Variants in CHIA observed in about 807,000 individuals in gnomAD.
CHIA encodes the protein acidic mammalian chitinase.
In CHIA, 47 loss-of-function variants were observed where a neutral mutation model predicts 53.5. The observed-to-expected ratio is 0.88, with a 90% CI of 0.70 to 1.12. The LOEUF is 1.12. CHIA is among the 50% of genes most tolerant of loss of function. The pLI, the probability that CHIA is intolerant of heterozygous loss-of-function variation, is 0.00. For missense variants in CHIA, 652 were observed against 592.2 expected, an observed-to-expected ratio of 1.10 and a Z score of -1.05; for synonymous variants, 268 against 222.2, an observed-to-expected ratio of 1.21 and a Z score of -1.83.
Position 111,315,378 on chromosome 1 carries a change from C to T in CHIA, c.423C>T (p.Tyr141=), listed in dbSNP as rs1200710619. ...EFDGLDFDWE[Y]PGSRGSPPQD... is the part of the protein sequence containing the mutation. ...ACGGGCTGGACTTTGACTGGGAGTA[C>T]CCTGGCTCTCGTGGGAGCCCTCCTC... Residue 141 remains tyrosine, a synonymous_variant, in exon 6 of 12, where the codon TAC becomes TAT. Coordinates refer to ENST00000369740, the MANE Select transcript of CHIA (RefSeq NM_201653.4). The T allele has an allele frequency of 6.2e-7, 1 of 1,613,962 alleles. No individual in the cohort carries two copies. Among genetic ancestry groups the T allele is most frequent in the African/African-American group, 1.3e-5 (1 of 74,906 alleles).
Position 111,304,924 on chromosome 1 carries a change from C to CT in CHIA, c.-68-5470dup, listed in dbSNP as rs559942201. The stretch of plus-strand genomic sequence containing the variant: ...TTTTGTTACTGTTTTGGTTTCTTGT[C>CT]TTTTTTGTATTTTTTATTTTTTAGA... On this transcript the variant is annotated intron_variant, in intron 1 of 11. Coordinates refer to ENST00000369740, the MANE Select transcript of CHIA (RefSeq NM_201653.4). 4.9e-3 allele frequency among the ~76,000 whole-genome samples: 740 copies of CT among 152,056 alleles called. 13 individuals are homozygous for CT. Among genetic ancestry groups the CT allele is most frequent in the African/African-American group, 0.017 (702 of 41,494 alleles).
chr1:111,312,172 C>T lies in CHIA; in HGVS notation c.56-18C>T. On this transcript the variant is annotated intron_variant, in intron 3 of 11. Transcript: ENST00000369740. Reference sequence around the variant, plus strand: ...GATCCTAAACCAGGCCATTGTCCCTCCTGCTGACTACACACAGGCTCTGCC... The same window carrying T: ...GATCCTAAACCAGGCCATTGTCCCTTCTGCTGACTACACACAGGCTCTGCC... The T allele has an allele frequency of 6.2e-7, 1 of 1,608,214 alleles. No homozygotes were observed. The highest frequency in any genetic ancestry group is 2.2e-5 in the East Asian group (1 of 44,860).
At chr1:111,302,398 G>C (rs1647829556) in intron 1 of CHIA, among the ~76,000 whole-genome samples, 1 of 152,104 alleles carries the variant, frequency 6.6e-6, no homozygotes, top group African/African-American at 2.4e-5. Flanking sequence ...GAGTTATAAA[G>C]TTCTCACTTA....
intron 1 of CHIA, among the ~76,000 whole-genome samples, chr1:111,297,924 A>AAAAAAAAT (rs1227673719): frequency 1.1e-5 from 1 of 87,886 alleles, no homozygotes; most frequent in Non-Finnish European, 2.7e-5. Context: ...AAAAAAAAAA[A>AAAAAAAAT]ACAAGCAGGG....
intron 1 of CHIA, among the ~76,000 whole-genome samples, chr1:111,301,285 G>A (rs180866273): frequency 2.6e-5 from 4 of 152,318 alleles, no homozygotes; most frequent in African/African-American, 9.6e-5. Flanking sequence ...GCACACATAT[G>A]TTTATTGCGG....
intron 1 of CHIA, among the ~76,000 whole-genome samples, chr1:111,299,640 T>G (rs192132949): frequency 6.6e-6 from 1 of 152,288 alleles, no homozygotes; most frequent in Admixed American, 6.5e-5. Flanking sequence ...TCACACTGAA[T>G]GGGCAAAAAC....
At chr1:111,311,280 C>T (rs1463161694) in intron 2 of CHIA, among the ~76,000 whole-genome samples, 1 of 152,158 alleles carries the variant, frequency 6.6e-6, no homozygotes, top group African/African-American at 2.4e-5. Flanking sequence ...CCACTAAAGG[C>T]CAGAAGATAC....
intron 1 of CHIA, among the ~76,000 whole-genome samples, chr1:111,306,500 A>G (rs1648197125): frequency 6.6e-6 from 1 of 152,232 alleles, no homozygotes; most frequent in Non-Finnish European, 1.5e-5. Flanking sequence ...TTAAAATTTT[A>G]GAAGAAAATA....
In CHIA at chr1:111,292,642, A is replaced by G. The variant is rs1453373607; in HGVS notation, c.-69+1692A>G. 3.3e-5 allele frequency among the ~76,000 whole-genome samples: 5 copies of G among 152,148 alleles called. 1 individual carries two copies. In the East Asian group the frequency reaches 9.6e-4, roughly 29 times the overall value. Reference sequence around the variant, plus strand: ...TTAAGTGTACAGTTCGGTGGTACTAAATACATTCATAATGTTCTTGAGCCA... The same window carrying G: ...TTAAGTGTACAGTTCGGTGGTACTAGATACATTCATAATGTTCTTGAGCCA... On this transcript the variant is annotated intron_variant, in intron 1 of 11. Transcript: ENST00000369740.
chr1:111,316,962 C>A (rs139602548), intron 6 of CHIA: 26 of 152,306 alleles, frequency 1.7e-4, no homozygotes, highest in African/African-American at 5.8e-4. Flanking sequence ...CCTGCTGAAG[C>A]AACAGAGAAT....
At chr1:111,293,435 T>TTG (rs139352525) in intron 1 of CHIA, among the ~76,000 whole-genome samples, 30 of 151,538 alleles carry the variant, frequency 2.0e-4, no homozygotes, top group Admixed American at 4.6e-4. Context: ...AGTTGTTTGG[T>TTG]TGTGTGTGTG....
chr1:111,309,238 A>G (rs28531702), intron 1 of CHIA, among the ~76,000 whole-genome samples: 20,094 of 152,254 alleles, frequency 0.13, 1,544 homozygotes, highest in African/African-American at 0.19. Context: ...TTCTGAGAGT[A>G]GAACAAAACA....
Position 111,300,653 on chromosome 1 carries a change from A to G in CHIA, c.-69+9703A>G, listed in dbSNP as rs183953659. On this transcript the variant is annotated intron_variant, in intron 1 of 11. Transcript: ENST00000369740. ...CCTAGAGGAAAACCTAGGCAATACCATTCAGGACATAGGCATGGGCAAGGA... is the reference window on the plus strand; with the variant it reads ...CCTAGAGGAAAACCTAGGCAATACCGTTCAGGACATAGGCATGGGCAAGGA... 3.3e-4 allele frequency among the ~76,000 whole-genome samples: 51 copies of G among 152,358 alleles called. 1 individual carries two copies. Among genetic ancestry groups the G allele is most frequent in the Admixed American group, 1.8e-3 (28 of 15,306 alleles).
At chr1:111,314,081 C>T (rs745434353) in intron 4 of CHIA, among the ~76,000 whole-genome samples, 2 of 152,098 alleles carry the variant, frequency 1.3e-5, no homozygotes, top group African/African-American at 2.4e-5. Context: ...TTCATGTTGT[C>T]CTCCCACAAC....
At chr1:111,309,336 T>A (rs1648478864) in intron 1 of CHIA, among the ~76,000 whole-genome samples, 1 of 152,250 alleles carries the variant, frequency 6.6e-6, no homozygotes, top group African/African-American at 2.4e-5. Context: ...ACAAGAACTC[T>A]GCTAAGGTGC....
At chr1:111,309,290 T>G (rs1400971650) in intron 1 of CHIA, among the ~76,000 whole-genome samples, 1 of 152,222 alleles carries the variant, frequency 6.6e-6, no homozygotes. Flanking sequence ...CAATTTAGTT[T>G]CCAAATGTGA....
chr1:111,297,840 CA>C (rs1647304697), intron 1 of CHIA, among the ~76,000 whole-genome samples: 1 of 112,794 alleles, frequency 8.9e-6, no homozygotes, highest in Non-Finnish European at 1.7e-5. Context: ...ATCTCATGTA[CA>C]AAGACATACA....
rs761167444 is a variant in CHIA at position 111,320,437 on chromosome 1, A to G, written c.1402A>G (p.Thr468Ala). Reference sequence around the variant, plus strand: ...CTGCCAGGCCGGGCTTGTCTTCGACACCAGCTGTGATTGCTGCAACTGGGC... The same window carrying G: ...CTGCCAGGCCGGGCTTGTCTTCGACGCCAGCTGTGATTGCTGCAACTGGGC... The part of the protein sequence containing the change: ...QNCQAGLVFD[T>A]SCDCCNWA The change falls in exon 12 of 12, where the codon ACC (threonine) becomes GCC (alanine). Residue 468 changes from threonine to alanine, a missense_variant. Coordinates refer to ENST00000369740, the MANE Select transcript of CHIA (RefSeq NM_201653.4). 2 of 1,614,030 alleles carry G rather than the reference A, an allele frequency of 1.2e-6. No homozygotes were observed. The highest frequency in any genetic ancestry group is 1.7e-6 in the Non-Finnish European group (2 of 1,179,980).
At chr1:111,309,132 A>C (rs991331343) in intron 1 of CHIA, among the ~76,000 whole-genome samples, 1 of 152,202 alleles carries the variant, frequency 6.6e-6, no homozygotes, top group African/African-American at 2.4e-5. Flanking sequence ...GCACATGTTT[A>C]CCTATGTAAC....
Sources: gnomAD v4.1 joint callset for allele counts (sites outside exome capture counted in the v4.1 genomes callset) on GRCh38, gnomAD v4.1.1 for gene constraint, MANE v1.5 for transcripts, NCBI Gene and HGNC (gene_info 2026-07-23, HGNC 2026-07-21) for gene names.